The following GTF2E2 variants were observed in gnomAD, a reference collection of about 807,000 sequenced individuals.
GTF2E2 encodes the protein transcription initiation factor IIE subunit beta.
A neutral mutation model predicts 40.5 loss-of-function variants in GTF2E2; 21 were observed. The ratio of observed to expected loss-of-function variants is 0.52; its 90% CI spans 0.37 to 0.75. The LOEUF is 0.75. GTF2E2 is among the 30% of genes least tolerant of loss of function. GTF2E2 has a pLI of 0.00. For missense variants in GTF2E2, 298 were observed against 338.4 expected, an observed-to-expected ratio of 0.88 and a Z score of 0.94; for synonymous variants, 117 against 121.6, an observed-to-expected ratio of 0.96 and a Z score of 0.25.
At chr8:30,634,249 A>C (rs1259897889) in intron 3 of GTF2E2, among the ~76,000 whole-genome samples, 3 of 152,186 alleles carry the variant, frequency 2.0e-5, no homozygotes, top group Non-Finnish European at 4.4e-5. Flanking sequence ...GGAGTTCGAG[A>C]CCAGCCTGGA....
intron 6 of GTF2E2, among the ~76,000 whole-genome samples, chr8:30,605,506 T>C (rs1008941755): frequency 6.6e-6 from 1 of 152,196 alleles, no homozygotes; most frequent in East Asian, 1.9e-4. Flanking sequence ...CCTTTTAGTA[T>C]AGGCTCTTAC....
Position 30,578,909 on chromosome 8 carries a change from C to T in GTF2E2, c.*12G>A. ...GTGTATCTGTAACTCTGTTCCAGGG[C>T]AAAACTGTTCCCTATTTGCTGGAAG... is the stretch of plus-strand genomic sequence containing the variant. On this transcript the variant is annotated 3_prime_UTR_variant, in exon 8 of 8. Transcript: ENST00000355904. The T allele has an allele frequency of 7.6e-7, 1 of 1,320,734 alleles. No homozygotes were observed. 81.8% of individuals were successfully genotyped at this position (1,320,734 alleles called of 1,614,324 possible). A position where few individuals can be genotyped will look rare whatever the true frequency, so the allele number is the denominator to read the frequency against.
chr8:30,597,148 TC>T (rs1216275767), intron 6 of GTF2E2: 1 of 152,426 alleles, frequency 6.6e-6, no homozygotes, highest in Non-Finnish European at 1.5e-5. Context: ...GGTGTGGCCT[TC>T]TCAGTGCTCC....
At chr8:30,587,155 A>T (rs1034350331) in intron 6 of GTF2E2, among the ~76,000 whole-genome samples, 41 of 152,236 alleles carry the variant, frequency 2.7e-4, no homozygotes, top group African/African-American at 9.2e-4. Flanking sequence ...TCATGCCTAT[A>T]ATCCCAGCAC....
rs189920619 is a variant in GTF2E2 at position 30,605,937 on chromosome 8, A to C, written c.643+1120T>G. On this transcript the variant is annotated intron_variant, in intron 6 of 7. Transcript: ENST00000355904. ...TGGCCTCTGAAAGTGCTAGGATTAG[A>C]GGCATGAGCCACCATGCCCAGCCTT... 1.5e-3 allele frequency among the ~76,000 whole-genome samples: 226 copies of C among 152,336 alleles called. 8 individuals are homozygous for C. Among genetic ancestry groups the C allele is most frequent in the Admixed American group, 0.013 (206 of 15,304 alleles).
At chr8:30,636,668 C>T (rs1801610176) in intron 2 of GTF2E2, among the ~76,000 whole-genome samples, 1 of 152,100 alleles carries the variant, frequency 6.6e-6, no homozygotes, top group Admixed American at 6.5e-5. Context: ...GAAATCGAGA[C>T]CATCCTGGCC....
At chr8:30,593,096 A>T (rs1011441891) in intron 6 of GTF2E2, among the ~76,000 whole-genome samples, 1 of 152,224 alleles carries the variant, frequency 6.6e-6, no homozygotes, top group African/African-American at 2.4e-5. Context: ...CAGGAGGCTG[A>T]GGCAGGAGAA....
chr8:30,654,732 T>G (rs543727061), intron 1 of GTF2E2, among the ~76,000 whole-genome samples: 1 of 152,222 alleles, frequency 6.6e-6, no homozygotes, highest in South Asian at 2.1e-4. Flanking sequence ...CACGTGTGGC[T>G]CACACTTCCC....
chr8:30,604,287 T>C (rs1222470044), intron 6 of GTF2E2, among the ~76,000 whole-genome samples: 1 of 151,700 alleles, frequency 6.6e-6, no homozygotes, highest in East Asian at 1.9e-4. Context: ...TATCTAGGAG[T>C]GTAAGGGTGG....
At chr8:30,588,355 T>C (rs556235667) in intron 6 of GTF2E2, among the ~76,000 whole-genome samples, 41 of 152,214 alleles carry the variant, frequency 2.7e-4, no homozygotes, top group African/African-American at 9.6e-4. Context: ...ATAACAAAAA[T>C]ATAATATATA....
At chr8:30,640,791 G>A (rs1043163463) in intron 2 of GTF2E2, among the ~76,000 whole-genome samples, 9 of 152,098 alleles carry the variant, frequency 5.9e-5, no homozygotes. Flanking sequence ...TGCAACCTCT[G>A]CCGCCCAGGT....
chr8:30,657,052 G>T (rs1802471389), intron 1 of GTF2E2: 1 of 152,108 alleles, frequency 6.6e-6, no homozygotes, highest in Admixed American at 6.5e-5. Flanking sequence ...GCTGGTAAAG[G>T]CCTTTAAAAC....
intron 3 of GTF2E2, among the ~76,000 whole-genome samples, chr8:30,628,667 C>T (rs1051478178): frequency 6.6e-6 from 1 of 152,188 alleles, no homozygotes; most frequent in Non-Finnish European, 1.5e-5. Context: ...CATGTTGGCT[C>T]ACGCCTGTAA....
At chr8:30,601,394 C>A (rs1829175255) in intron 6 of GTF2E2, among the ~76,000 whole-genome samples, 1 of 152,182 alleles carries the variant, frequency 6.6e-6, no homozygotes, top group Non-Finnish European at 1.5e-5. Flanking sequence ...ACCAAGTTCC[C>A]AACAAGGGGA....
intron 2 of GTF2E2, among the ~76,000 whole-genome samples, chr8:30,651,776 T>TA (rs1169989740): frequency 1.3e-5 from 2 of 152,074 alleles, no homozygotes; most frequent in Non-Finnish European, 2.9e-5. Flanking sequence ...ATTCTTGAAA[T>TA]AAAAAAGAAC....
At position 30,623,240 on chromosome 8, in the gene GTF2E2, C is replaced by T. The variant is rs535044195; in HGVS notation, c.259-8525G>A. On this transcript the variant is annotated intron_variant, in intron 3 of 7. Coordinates refer to ENST00000355904, the MANE Select transcript of GTF2E2 (RefSeq NM_002095.6). The stretch of plus-strand genomic sequence containing the variant: ...CCTCCATTTGGGGTCCCTGACTTCC[C>T]GCAACACAAGTGTTCTCACTGTTCA... Among the ~76,000 whole-genome samples, 153 of 152,186 alleles carry T rather than the reference C, an allele frequency of 1.0e-3. 3 individuals are homozygous for T. Among genetic ancestry groups the T allele is most frequent in the African/African-American group, 3.2e-3 (134 of 41,444 alleles).
intron 5 of GTF2E2, among the ~76,000 whole-genome samples, chr8:30,611,197 T>G (rs2151127823): frequency 6.6e-6 from 1 of 152,284 alleles, no homozygotes; most frequent in South Asian, 2.1e-4. Context: ...ACTGCCCACT[T>G]AACCACAAAA....
rs576140574 is a variant in GTF2E2, at chr8:30,658,143, T to TGGCGGC, written c.-181_-176dup. ...CAGGTCGGGGTCTCACCACTGGCGGTGGCGGCGGCGGCGGCGGCAGCGGCG... is the reference window on the plus strand; with the variant it reads ...CAGGTCGGGGTCTCACCACTGGCGGTGGCGGCGGCGGCGGCGGCGGCGGCAGCGGCG... On this transcript the variant is annotated 5_prime_UTR_variant, in exon 1 of 8. Coordinates refer to ENST00000355904, the MANE Select transcript of GTF2E2 (RefSeq NM_002095.6). 73,725 of 185,572 alleles carry TGGCGGC rather than the reference T, an allele frequency of 0.4. 16,737 individuals are homozygous for TGGCGGC. Among genetic ancestry groups the TGGCGGC allele is most frequent in the South Asian group, 0.66 (7,864 of 11,860 alleles). The allele number at this position is 185,572 out of a possible 1,614,324, so 11.5% of individuals were successfully genotyped here.
chr8:30,617,083 T>G (rs756138380), intron 3 of GTF2E2, among the ~76,000 whole-genome samples: 5 of 152,056 alleles, frequency 3.3e-5, no homozygotes, highest in Admixed American at 3.3e-4. Flanking sequence ...TACAAAGAGA[T>G]ATGTTATTTA....
Sources: gnomAD v4.1 joint callset for allele counts (sites outside exome capture counted in the v4.1 genomes callset) on GRCh38, gnomAD v4.1.1 for gene constraint, MANE v1.5 for transcripts, NCBI Gene and HGNC (gene_info 2026-07-23, HGNC 2026-07-21) for gene names.